The following TTC28 variants were observed in gnomAD, a reference collection of about 807,000 sequenced individuals.
TTC28 encodes the protein tetratricopeptide repeat protein 28.
A neutral mutation model predicts 198.0 loss-of-function variants in TTC28; 61 were observed. The observed-to-expected ratio is 0.31, with a 90% CI of 0.25 to 0.38. The LOEUF (loss-of-function observed/expected upper bound fraction) is 0.38, where lower values mean the gene tolerates loss of function less well. Among genes scored for constraint, TTC28 ranks in the 10% least tolerant of loss-of-function variants. TTC28 has a pLI of 1.00. For synonymous variants in TTC28, 1,171 were observed against 1,297.8 expected, an observed-to-expected ratio of 0.90 and a Z score of 2.10; for missense variants, 2,678 against 3,164.0, an observed-to-expected ratio of 0.85 and a Z score of 3.69.
At chr22:28,030,126 G>C in intron 13 of TTC28, 100 bp downstream of exon 13, 4 of 1,472,378 alleles carry the variant, frequency 2.7e-6, no homozygotes, top group Non-Finnish European at 3.6e-6. Context: ...ACACGAGCCA[G>C]AAGCCTAACC....
chr22:28,515,823 A>G (rs1465641137), intron 2 of TTC28, among the ~76,000 whole-genome samples: 2 of 152,178 alleles, frequency 1.3e-5, no homozygotes, highest in Admixed American at 1.3e-4. Flanking sequence ...TATGTTAAAT[A>G]CCATAAATGT....
chr22:28,314,882 GAA>G (rs750755689), intron 2 of TTC28, among the ~76,000 whole-genome samples: 3 of 151,706 alleles, frequency 2.0e-5, no homozygotes, highest in African/African-American at 7.3e-5. Context: ...CTAAAAAAAA[GAA>G]AAAAAATTCT....
At chr22:28,534,498 A>G (rs2145909727) in intron 2 of TTC28, among the ~76,000 whole-genome samples, 1 of 152,362 alleles carries the variant, frequency 6.6e-6, no homozygotes, top group East Asian at 1.9e-4. Flanking sequence ...TGTGGAAGAC[A>G]GTGTGGCGAT....
chr22:28,160,398 A>T (rs978995911), intron 6 of TTC28, among the ~76,000 whole-genome samples: 1 of 152,210 alleles, frequency 6.6e-6, no homozygotes, highest in Non-Finnish European at 1.5e-5. Context: ...AAAAGGACAT[A>T]TACAAAGAAA....
intron 6 of TTC28, among the ~76,000 whole-genome samples, chr22:28,110,929 T>C (rs1942463443): frequency 6.8e-6 from 1 of 147,090 alleles, no homozygotes; most frequent in Admixed American, 6.8e-5. Flanking sequence ...AGTGAGACCC[T>C]GCCTTTAAAA....
chr22:28,315,519 A>C (rs1273624765), intron 2 of TTC28, among the ~76,000 whole-genome samples: 1 of 152,152 alleles, frequency 6.6e-6, no homozygotes, highest in Non-Finnish European at 1.5e-5. Context: ...TTACTTGTTC[A>C]CATTTAGATT....
intron 1 of TTC28, among the ~76,000 whole-genome samples, chr22:28,671,074 C>T (rs921518808): frequency 1.3e-5 from 2 of 152,112 alleles, no homozygotes; most frequent in African/African-American, 2.4e-5. Flanking sequence ...ACTGCAGCTG[C>T]GATTTCCCAG....
intron 2 of TTC28, among the ~76,000 whole-genome samples, chr22:28,339,247 A>C (rs1180774299): frequency 6.6e-6 from 1 of 152,114 alleles, no homozygotes; most frequent in Non-Finnish European, 1.5e-5. Context: ...ATCGTTCCTC[A>C]GGAAGTTTTG....
chr22:28,249,349 T>G (rs1930348533), intron 5 of TTC28, among the ~76,000 whole-genome samples: 1 of 152,152 alleles, frequency 6.6e-6, no homozygotes, highest in Admixed American at 6.5e-5. Context: ...GCTCAATATA[T>G]GTAAGCTCTA....
Position 28,108,131 on chromosome 22 carries a change from G to A in TTC28, c.1714C>T (p.Arg572Trp). ...VAYQALGAHDRALQHYQNHLN... is the reference protein window; with the variant it reads ...VAYQALGAHDWALQHYQNHLN... The stretch of plus-strand genomic sequence containing the variant: ...TGGTTCTGATAGTGTTGCAGGGCCC[G>A]GTCATGGGCACCCAGGGCCTGGTAG... The change falls in exon 7 of 23, where the codon CGG becomes TGG. Residue 572 changes from arginine to tryptophan, a missense_variant. Coordinates refer to ENST00000397906, the MANE Select transcript of TTC28 (RefSeq NM_001145418.2). The A allele has an allele frequency of 1.3e-6, 2 of 1,551,704 alleles. No homozygotes were observed. Among genetic ancestry groups the A allele is most frequent in the Non-Finnish European group, 8.7e-7 (1 of 1,146,988 alleles).
At chr22:28,236,741 C>T (rs2147242638) in intron 5 of TTC28, among the ~76,000 whole-genome samples, 1 of 152,240 alleles carries the variant, frequency 6.6e-6, no homozygotes, top group African/African-American at 2.4e-5. Context: ...ACTTTAAATT[C>T]CAGCGTACGT....
At chr22:28,228,559 G>T (rs746610805) in intron 5 of TTC28, among the ~76,000 whole-genome samples, 1 of 152,012 alleles carries the variant, frequency 6.6e-6, no homozygotes, top group African/African-American at 2.4e-5. Flanking sequence ...AATTAGCTGG[G>T]CGTGGTGGTG....
chr22:28,029,055 T>C (rs1347133743), intron 13 of TTC28: 7 of 471,000 alleles, frequency 1.5e-5, no homozygotes, highest in African/African-American at 1.2e-4. Flanking sequence ...GGCTGAGAAG[T>C]TGGCAGAGCA....
intron 1 of TTC28, among the ~76,000 whole-genome samples, 187 bp downstream of exon 1, chr22:28,679,435 G>A (rs910165079): frequency 1.3e-5 from 2 of 152,114 alleles, no homozygotes; most frequent in African/African-American, 4.8e-5. Flanking sequence ...ACACACTCTC[G>A]CGGAAACTGA....
At chr22:28,024,563 G>C (rs1938745776) in intron 13 of TTC28, among the ~76,000 whole-genome samples, 1 of 152,206 alleles carries the variant, frequency 6.6e-6, no homozygotes. Flanking sequence ...AGCCAGAGGG[G>C]GGACAGCGAT....
intron 6 of TTC28, among the ~76,000 whole-genome samples, chr22:28,131,664 T>C (rs1457987079): frequency 6.6e-6 from 1 of 152,232 alleles, no homozygotes; most frequent in Non-Finnish European, 1.5e-5. Flanking sequence ...AGGGACTGTC[T>C]GTATATGTAC....
chr22:28,306,421 G>C, intron 3 of TTC28, 75 bp downstream of exon 3: 1 of 1,462,868 alleles, frequency 6.8e-7, no homozygotes, highest in Non-Finnish European at 9.2e-7. Context: ...CTCTGTGCCT[G>C]AGCCTAAAGT....
intron 9 of TTC28, among the ~76,000 whole-genome samples, chr22:28,100,387 A>T (rs1050392729): frequency 6.6e-6 from 1 of 152,260 alleles, no homozygotes; most frequent in Non-Finnish European, 1.5e-5. Flanking sequence ...CTGAGCTATA[A>T]TAAGTACTTT....
intron 16 of TTC28, among the ~76,000 whole-genome samples, chr22:27,996,842 G>A (rs1227604738): frequency 6.6e-6 from 1 of 152,242 alleles, no homozygotes; most frequent in Non-Finnish European, 1.5e-5. Context: ...TGTAGGGAAA[G>A]GGTTTTCTAA....
Sources: allele counts gnomAD v4.1 joint callset (sites outside exome capture counted in the v4.1 genomes callset), GRCh38; gene constraint gnomAD v4.1.1; transcripts MANE v1.5; gene names NCBI Gene and HGNC (gene_info 2026-07-23, HGNC 2026-07-21).